B9D2: variants seen among roughly 807,000 people sequenced by gnomAD.
B9D2 encodes B9 domain-containing protein 2.
B9D2 carries 21 observed loss-of-function variants against 19.2 expected under a neutral mutation model. That is an observed-to-expected ratio of 1.09 (90% CI 0.78 to 1.58). B9D2 has a LOEUF of 1.58. Among genes scored for constraint, B9D2 ranks in the 40% most tolerant of loss-of-function variants. The probability of loss-of-function intolerance (pLI) is 0.00; values close to 1 mark genes in which losing one functional copy is unlikely to be tolerated. For missense variants in B9D2, 221 were observed against 244.3 expected, an observed-to-expected ratio of 0.90 and a Z score of 0.64; for synonymous variants, 91 against 100.6, an observed-to-expected ratio of 0.90 and a Z score of 0.57.
At position 41,354,599 on chromosome 19, in the gene B9D2, T is replaced by G; in HGVS notation, c.*101A>C. ...GTGCCATGCCTTAGCTGGGGTCAGC[T>G]CTGACAGTCTCTAGAGTCTGTGCTC... On this transcript the variant is annotated 3_prime_UTR_variant, in exon 4 of 4. Coordinates refer to ENST00000243578, the MANE Select transcript of B9D2 (RefSeq NM_030578.4). 1 of 1,480,448 alleles carries G rather than the reference T, an allele frequency of 6.8e-7. No individual in the cohort carries two copies. The highest frequency in any genetic ancestry group is 1.2e-5 in the South Asian group (1 of 85,698). 91.7% of individuals were successfully genotyped at this position (1,480,448 alleles called of 1,614,324 possible).
intron 2 of B9D2, 71 bp downstream of exon 2, chr19:41,363,361 G>T: frequency 1.4e-6 from 2 of 1,467,568 alleles, no homozygotes; most frequent in Non-Finnish European, 1.9e-6. Flanking sequence ...GCGTTAAGGG[G>T]TGGAGGAAGG....
chr19:41,363,860 C>T (rs976498882), intron 1 of B9D2, 98 bp downstream of exon 1: 76 of 517,152 alleles, frequency 1.5e-4, no homozygotes, highest in Non-Finnish European at 2.5e-4. Flanking sequence ...GCCAGCCACC[C>T]CGCTTCCCTC....
Position 41,354,927 on chromosome 19 carries a change from T to C in B9D2, c.301A>G (p.Ser101Gly). 1 of 1,613,296 alleles carries C rather than the reference T, an allele frequency of 6.2e-7. No homozygotes were observed. Among genetic ancestry groups the C allele is most frequent in the Non-Finnish European group, 8.5e-7 (1 of 1,179,782 alleles). ...GCCAGCTGGTGGGTGCCCGGGCTACTGGGCACATGGCAAAATCCATAGCCT... is the reference window on the plus strand; with the variant it reads ...GCCAGCTGGTGGGTGCCCGGGCTACCGGGCACATGGCAAAATCCATAGCCT... Reference protein sequence around the residue: ...LAGYGFCHVPSSPGTHQLACP... With the variant: ...LAGYGFCHVPGSPGTHQLACP... The change falls in exon 4 of 4, where the codon AGT becomes GGT. Residue 101 changes from serine to glycine, a missense_variant. Physicochemically the swap from Ser to Gly is moderately conservative, Grantham distance 56. Coordinates refer to ENST00000243578, the MANE Select transcript of B9D2 (RefSeq NM_030578.4).
chr19:41,359,538 T>TA (rs1234452584), intron 2 of B9D2, among the ~76,000 whole-genome samples: 6 of 151,634 alleles, frequency 4.0e-5, no homozygotes, highest in Non-Finnish European at 8.8e-5. Context: ...CTATCTCTAC[T>TA]AAAAAAATAC....
intron 2 of B9D2, among the ~76,000 whole-genome samples, chr19:41,358,612 A>G (rs1221741395): frequency 1.3e-5 from 2 of 152,162 alleles, no homozygotes; most frequent in African/African-American, 4.8e-5. Flanking sequence ...TTTCAAGCCT[A>G]GTCCAAGGAT....
intron 2 of B9D2, among the ~76,000 whole-genome samples, chr19:41,362,227 C>CA (rs529500666): frequency 0.067 from 8,386 of 125,398 alleles, 578 homozygotes; most frequent in East Asian, 0.3. Flanking sequence ...ACTAAAAATA[C>CA]AAAAAAAAAA....
chr19:41,355,829 G>T (rs562562811), intron 3 of B9D2, among the ~76,000 whole-genome samples: 6 of 152,228 alleles, frequency 3.9e-5, no homozygotes, highest in Non-Finnish European at 7.3e-5. Context: ...TGGGGATACC[G>T]CTTTAGCAAG....
chr19:41,360,810 G>C (rs912621085), intron 2 of B9D2, among the ~76,000 whole-genome samples: 1 of 151,906 alleles, frequency 6.6e-6, no homozygotes, highest in Non-Finnish European at 1.5e-5. Flanking sequence ...CGCCTGGCCT[G>C]CTTATTTATT....
Position 41,357,947 on chromosome 19 carries a change from GC to G in B9D2, c.163del (p.Ala55LeufsTer157). ...QVDTPQIGDMAYWSHPIDLHF... is the reference protein window; with the variant it reads ...QVDTPQIGDMXYWSHPIDLHF... ...CAGGTCGATGGGGTGGGACCAGTAA[GC>G]CATGTCCCCTATCTGCGGGGTGTCC... On this transcript the variant is annotated frameshift_variant, in exon 3 of 4. Coordinates refer to ENST00000243578, the MANE Select transcript of B9D2 (RefSeq NM_030578.4). LOFTEE classifies it high-confidence loss of function. 1.2e-6 allele frequency: 2 copies of G among 1,614,152 alleles called. No homozygotes were observed. The highest frequency in any genetic ancestry group is 2.2e-5 in the South Asian group (2 of 91,070).
chr19:41,360,489 C>T (rs1473399137), intron 2 of B9D2, among the ~76,000 whole-genome samples: 1 of 151,560 alleles, frequency 6.6e-6, no homozygotes, highest in Non-Finnish European at 1.5e-5. Flanking sequence ...ACTCGTTTAT[C>T]TGTTTATTTA....
chr19:41,362,064 G>A (rs1207404712), intron 2 of B9D2, among the ~76,000 whole-genome samples: 1 of 90,150 alleles, frequency 1.1e-5, no homozygotes, highest in East Asian at 3.2e-4. Context: ...TGGCTACAGA[G>A]TGAGACTCTG....
At chr19:41,363,867 C>G in intron 1 of B9D2, 91 bp downstream of exon 1, 1 of 511,638 alleles carries the variant, frequency 2.0e-6, no homozygotes, top group South Asian at 2.1e-5. Flanking sequence ...ACCCCGCTTC[C>G]CTCCCCCAGC....
intron 2 of B9D2, chr19:41,363,181 G>T: frequency 1.9e-6 from 1 of 538,128 alleles, no homozygotes. Context: ...GAGAGTTCGA[G>T]GCTGCACTGA....
At position 41,354,796 on chromosome 19, in the gene B9D2, G is replaced by A. The variant is rs778128085; in HGVS notation, c.432C>T (p.Ala144=). The change falls in exon 4 of 4, where the codon GCC becomes GCT. Residue 144 remains alanine (A), a synonymous_variant. Coordinates refer to ENST00000243578, the MANE Select transcript of B9D2 (RefSeq NM_030578.4). The part of the protein sequence containing the change: ...LLHGDTIYSG[A]DRYRLHTAAG... The stretch of plus-strand genomic sequence containing the variant: ...CAGCTGTGTGCAGGCGATAGCGGTC[G>A]GCCCCACTGTAGATGGTGTCCCCAT... 9.3e-6 allele frequency: 15 copies of A among 1,613,868 alleles called. No individual in the cohort carries two copies. The Admixed American group carries it at 1.2e-4, about 13-fold the overall frequency.
At chr19:41,363,643 C>T (rs2038452454) in intron 1 of B9D2, 120 bp from the exon 2 acceptor site, 3 of 896,202 alleles carry the variant, frequency 3.3e-6, no homozygotes, top group Non-Finnish European at 3.6e-6. Context: ...CTAGCTTCGT[C>T]ACACCCCTGA....
chr19:41,359,239 C>T (rs1188522088), intron 2 of B9D2, among the ~76,000 whole-genome samples: 3 of 150,966 alleles, frequency 2.0e-5, no homozygotes, highest in South Asian at 4.2e-4. Context: ...GAGACCAGCC[C>T]GGCCAACATG....
chr19:41,355,255 C>A (rs1408193580), intron 3 of B9D2, among the ~76,000 whole-genome samples: 1 of 152,180 alleles, frequency 6.6e-6, no homozygotes, highest in Admixed American at 6.5e-5. Flanking sequence ...TTCCATAGCT[C>A]CCCAGTGCCC....
At chr19:41,359,086 T>C (rs749174496) in intron 2 of B9D2, among the ~76,000 whole-genome samples, 59 of 151,798 alleles carry the variant, frequency 3.9e-4, no homozygotes, top group Non-Finnish European at 6.8e-4. Flanking sequence ...TGAGCCGAGA[T>C]TGCACCACTG....
chr19:41,354,732 G>C lies in B9D2; in HGVS notation c.496C>G (p.Arg166Gly). 4 of 1,614,052 alleles carry C rather than the reference G, an allele frequency of 2.5e-6. No individual in the cohort carries two copies. Among genetic ancestry groups the C allele is most frequent in the Middle Eastern group, 1.6e-4 (1 of 6,062 alleles). Residue 166 changes from arginine to glycine, a missense_variant, in exon 4 of 4, where the codon CGC becomes GGC. Arg to Gly is a moderately radical substitution (Grantham distance 125). Transcript: ENST00000243578. ...TCCACGCCGTAGCGGTCGAAGTTGCGGAGCAGCAGGCCGATCTCCAGGTGC... is the reference window on the plus strand; with the variant it reads ...TCCACGCCGTAGCGGTCGAAGTTGCCGAGCAGCAGGCCGATCTCCAGGTGC... ...TVHLEIGLLL[R>G]NFDRYGVEC
Sources: allele counts gnomAD v4.1 joint callset (sites outside exome capture counted in the v4.1 genomes callset), GRCh38; gene constraint gnomAD v4.1.1; transcripts MANE v1.5; gene names NCBI Gene and HGNC (gene_info 2026-07-23, HGNC 2026-07-21).